Variants in NLRP1 observed in about 807,000 individuals in gnomAD.
NLRP1 encodes NLR family pyrin domain containing 1, also known as NACHT, LRR and PYD domains-containing protein 1.
Under a neutral mutation model 136.7 loss-of-function variants are expected in NLRP1, and 94 were observed. The observed-to-expected ratio is 0.69, with a 90% confidence interval of 0.58 to 0.82. The LOEUF is 0.82. Ranked by LOEUF, NLRP1 falls within the 40% of genes least tolerant of loss-of-function variation. The pLI is 0.00. For missense variants in NLRP1, 1,575 were observed against 1,802.7 expected (o/e 0.87, Z 2.29); for synonymous variants, 690 against 725.1 (o/e 0.95, Z 0.78).
At chr17:5,508,766 C>A (rs1907484086) in intron 15 of NLRP1, among the ~76,000 whole-genome samples, 1 of 152,050 alleles carries the variant, frequency 6.6e-6, no homozygotes, top group Non-Finnish European at 1.5e-5. Context: ...GGTTTAAAAC[C>A]CCATGTACTA....
rs1908804008 is a variant in NLRP1 at position 5,520,862 on chromosome 17, C to T, written c.3915+19G>A. ...AGGACTTCTGTTCGCAGTGAAGAGG[C>T]AGACACTGGGCTGCTCACCTTGGGG... On this transcript the variant is annotated intron_variant, in intron 14 of 16. Coordinates refer to ENST00000572272, the MANE Select transcript of NLRP1 (RefSeq NM_033004.4). 3 of 1,551,078 alleles carry T rather than the reference C, an allele frequency of 1.9e-6. No homozygotes were observed. Among genetic ancestry groups the T allele is most frequent in the Admixed American group, 1.8e-5 (1 of 54,100 alleles).
chr17:5,558,986 G>T lies in NLRP1; in HGVS notation c.1710C>A (p.Asp570Glu). 1 of 1,614,180 alleles carries T rather than the reference G, an allele frequency of 6.2e-7. No homozygotes were observed. Among genetic ancestry groups the T allele is most frequent in the Non-Finnish European group, 8.5e-7 (1 of 1,180,016 alleles). Reference sequence around the variant, plus strand: ...TGCCCTCAGCAGCCAGAGAGCAGAGGTCTCTGAGCTGGGGTCCCAATGGCT... The same window carrying T: ...TGCCCTCAGCAGCCAGAGAGCAGAGTTCTCTGAGCTGGGGTCCCAATGGCT... ...QAQPLGPQLR[D>E]LCSLAAEGIW... Residue 570 changes from aspartate (D) to glutamate (E), a missense_variant, in exon 4 of 17, where the codon GAC becomes GAA. Physicochemically the swap from Asp to Glu is conservative, Grantham distance 45. Transcript: ENST00000572272.
intron 12 of NLRP1, among the ~76,000 whole-genome samples, chr17:5,527,873 C>T (rs1909753962): frequency 6.6e-6 from 1 of 152,212 alleles, no homozygotes; most frequent in African/African-American, 2.4e-5. Flanking sequence ...TTGATGCACG[C>T]AGGAGACTGA....
intron 16 of NLRP1, 40 bp downstream of exon 16, chr17:5,515,433 C>A: frequency 6.5e-7 from 1 of 1,548,462 alleles, no homozygotes; most frequent in South Asian, 1.1e-5. Context: ...TACCCCAGAA[C>A]TGCCACCGCC....
chr17:5,525,164 T>C (rs1909373553), intron 12 of NLRP1, among the ~76,000 whole-genome samples: 1 of 152,152 alleles, frequency 6.6e-6, no homozygotes. Flanking sequence ...GAGGTAGGCA[T>C]GTTTCTGTGG....
intron 15 of NLRP1, among the ~76,000 whole-genome samples, chr17:5,508,475 A>G (rs1329848344): frequency 7.0e-6 from 1 of 143,150 alleles, no homozygotes; most frequent in Non-Finnish European, 1.5e-5. Context: ...CAAAATATAG[A>G]AAGTCATGAG....
At chr17:5,522,980 C>A (rs990001201) in intron 12 of NLRP1, among the ~76,000 whole-genome samples, 3 of 152,090 alleles carry the variant, frequency 2.0e-5, no homozygotes, top group African/African-American at 4.8e-5. Context: ...CCAAGCCCCC[C>A]ACTCAGGATG....
downstream of NLRP1, among the ~76,000 whole-genome samples, chr17:5,512,898 CAGT>C (rs1340799817): frequency 6.6e-6 from 1 of 152,206 alleles, no homozygotes; most frequent in African/African-American, 2.4e-5. Flanking sequence ...CGCATCTTAT[CAGT>C]GGAGTCTTTG....
At chr17:5,577,414 G>A (rs1416485871) in intron 3 of NLRP1, among the ~76,000 whole-genome samples, 5 of 152,234 alleles carry the variant, frequency 3.3e-5, no homozygotes, top group Non-Finnish European at 7.3e-5. Context: ...CTTCAGCGAA[G>A]TCTCAGGATA....
chr17:5,565,778 G>C lies in NLRP1; in HGVS notation c.653-5735C>G, dbSNP rs191382425. Among the ~76,000 whole-genome samples the C allele has an allele frequency of 9.5e-4, 144 of 152,250 alleles. 1 individual carries two copies. The highest frequency in any genetic ancestry group is 3.3e-3 in the African/African-American group (136 of 41,566). ...GATACTAGTTCTTCTTAAATGTTGG[G>C]TAGAATTTCAGCAGTGAAGCCATCC... is the stretch of plus-strand genomic sequence containing the variant. On this transcript the variant is annotated intron_variant, in intron 3 of 16. Transcript: ENST00000572272.
At position 5,583,942 on chromosome 17, in the gene NLRP1, A is replaced by T. The variant is rs1451113448; in HGVS notation, c.16T>A (p.Trp6Arg). The change falls in exon 1 of 17, where the codon TGG (tryptophan) becomes AGG (arginine). Residue 6 changes from tryptophan to arginine, a missense_variant. Physicochemically the swap from Trp to Arg is moderately radical, Grantham distance 101. Transcript: ENST00000572272. The surrounding 1 kb of genome is among the most constrained non-coding windows in gnomAD (Gnocchi z 4.5). ...TCCAAGTAACAGGCCAGGCGGCCCC[A>T]GGCTCCGCCAGCCATCTCTGTCCCG... The part of the protein sequence containing the change: MAGGA[W>R]GRLACYLEFL... The T allele has an allele frequency of 6.2e-6, 10 of 1,609,006 alleles. No homozygotes were observed. In the South Asian group the frequency reaches 1.1e-4, roughly 18 times the overall value.
downstream of NLRP1, among the ~76,000 whole-genome samples, chr17:5,511,633 G>T (rs551615413): frequency 3.9e-5 from 6 of 152,246 alleles, no homozygotes; most frequent in East Asian, 1.2e-3. Flanking sequence ...GACTTGCTGG[G>T]ATGAGGGACG....
At chr17:5,516,817 T>C (rs1326771324) in intron 15 of NLRP1, among the ~76,000 whole-genome samples, 2 of 152,180 alleles carry the variant, frequency 1.3e-5, no homozygotes, top group African/African-American at 4.8e-5. Context: ...GTAAAGCCCA[T>C]CCTCTTTCCA....
In NLRP1 at chr17:5,528,981, G is replaced by A. The variant is rs113482100; in HGVS notation, c.3520+1500C>T. 4.2e-3 allele frequency among the ~76,000 whole-genome samples: 634 copies of A among 152,242 alleles called. 8 individuals are homozygous for A. Among genetic ancestry groups the A allele is most frequent in the Non-Finnish European group, 6.4e-3 (433 of 68,016 alleles). Reference sequence around the variant, plus strand: ...TCAGCAATTAAATGAAGCTTCTATTGGAGTCATGATTTGACATGGGGACAC... The same window carrying A: ...TCAGCAATTAAATGAAGCTTCTATTAGAGTCATGATTTGACATGGGGACAC... On this transcript the variant is annotated intron_variant, in intron 12 of 16. Coordinates refer to ENST00000572272, the MANE Select transcript of NLRP1 (RefSeq NM_033004.4).
At chr17:5,517,226 G>A (rs1908229421) in intron 15 of NLRP1, among the ~76,000 whole-genome samples, 1 of 151,886 alleles carries the variant, frequency 6.6e-6, no homozygotes, top group African/African-American at 2.4e-5. Flanking sequence ...AATTTTAGAG[G>A]GTCAGATTGA....
chr17:5,557,708 A>G (rs1567659050), intron 4 of NLRP1, among the ~76,000 whole-genome samples: 1 of 152,228 alleles, frequency 6.6e-6, no homozygotes, highest in Non-Finnish European at 1.5e-5. Flanking sequence ...GGGATGGGGA[A>G]GTTCTCAGTA....
intron 7 of NLRP1, among the ~76,000 whole-genome samples, chr17:5,539,146 C>T (rs952676868): frequency 6.6e-6 from 1 of 152,196 alleles, no homozygotes; most frequent in Non-Finnish European, 1.5e-5. Flanking sequence ...GCTGGGATTA[C>T]AGGCGTGAGC....
chr17:5,581,876 G>A lies in NLRP1; in HGVS notation c.635C>T (p.Ser212Leu). 1 of 1,612,476 alleles carries A rather than the reference G, an allele frequency of 6.2e-7. No individual in the cohort carries two copies. Residue 212 changes from serine to leucine, a missense_variant, in exon 3 of 17, where the codon TCA becomes TTA. Ser to Leu is a moderately radical substitution (Grantham distance 145). Coordinates refer to ENST00000572272, the MANE Select transcript of NLRP1 (RefSeq NM_033004.4). ...PGTQWPLDET[S>L]GIYYTEIRER... is the part of the protein sequence containing the mutation. ...GGTCTCACCTGTGTAGTAAATTCCT[G>A]ACGTTTCATCCAGAGGCCATTGGGT...
downstream of NLRP1, among the ~76,000 whole-genome samples, chr17:5,509,649 G>A (rs988381796): frequency 5.3e-5 from 8 of 152,060 alleles, no homozygotes; most frequent in East Asian, 1.9e-4. Context: ...CTCACTGCAT[G>A]AGCCAGCACG....
Sources: allele counts gnomAD v4.1 joint callset (sites outside exome capture counted in the v4.1 genomes callset), GRCh38; gene constraint gnomAD v4.1.1; non-coding constraint Gnocchi (gnomAD v3.1); transcripts MANE v1.5; gene names NCBI Gene and HGNC (gene_info 2026-07-23, HGNC 2026-07-21).